Variants in RIGI observed in about 807,000 individuals in gnomAD.
RIGI encodes antiviral innate immune response receptor RIG-I.
At chr9:32,491,119 C>A in the RIGI span, among the ~76,000 whole-genome samples, 8 of 152,136 alleles carry the variant, frequency 5.3e-5, no homozygotes, top group South Asian at 6.2e-4. Context: ...AGTGGAAGAA[C>A]TAGGAGAGAA....
At chr9:32,487,558 G>A in the RIGI span, 1 of 1,614,178 alleles carries the variant, frequency 6.2e-7, no homozygotes, top group Non-Finnish European at 8.5e-7. Flanking sequence ...GAAGCACACA[G>A]CTTGCAGATA....
chr9:32,462,000 C>T, the RIGI span, among the ~76,000 whole-genome samples: 4 of 152,068 alleles, frequency 2.6e-5, no homozygotes, highest in African/African-American at 9.7e-5. Flanking sequence ...TAATATCTCC[C>T]AGTAAAATTT....
At chr9:32,512,355 A>G in the RIGI span, among the ~76,000 whole-genome samples, 16 of 152,330 alleles carry the variant, frequency 1.1e-4, no homozygotes, top group East Asian at 3.1e-3. Context: ...CAGCATATCA[A>G]AAAGCTTATT....
the RIGI span, among the ~76,000 whole-genome samples, chr9:32,490,785 T>C: frequency 6.6e-6 from 1 of 152,134 alleles, no homozygotes; most frequent in Non-Finnish European, 1.5e-5. Flanking sequence ...AAAAGGGAGC[T>C]CCTCTTGGAG....
At chr9:32,514,711 ACTT>A in the RIGI span, among the ~76,000 whole-genome samples, 1 of 152,220 alleles carries the variant, frequency 6.6e-6, no homozygotes, top group Non-Finnish European at 1.5e-5. Context: ...GTGTCCCAGA[ACTT>A]AAAGTATAAT....
the RIGI span, among the ~76,000 whole-genome samples, chr9:32,502,225 A>T: frequency 6.6e-6 from 1 of 152,234 alleles, no homozygotes; most frequent in African/African-American, 2.4e-5. Context: ...ATCCCACTGT[A>T]TGGATACACC....
At chr9:32,483,366 T>C in the RIGI span, among the ~76,000 whole-genome samples, 2 of 152,126 alleles carry the variant, frequency 1.3e-5, no homozygotes, top group East Asian at 3.9e-4. Context: ...CAGGTACTGA[T>C]TGAACCTGGG....
At chr9:32,483,889 C>T in the RIGI span, among the ~76,000 whole-genome samples, 1 of 152,064 alleles carries the variant, frequency 6.6e-6, no homozygotes, top group Admixed American at 6.6e-5. Flanking sequence ...CCTTATCACC[C>T]CCACCACACC....
At chr9:32,473,234 T>C in the RIGI span, among the ~76,000 whole-genome samples, 203 of 151,470 alleles carry the variant, frequency 1.3e-3, no homozygotes, top group African/African-American at 4.8e-3. Flanking sequence ...TATGTAATAA[T>C]TAACTAAAAT....
At chr9:32,456,806 TC>T in the RIGI span, 1 of 209,284 alleles carries the variant, frequency 4.8e-6, no homozygotes, top group Non-Finnish European at 9.6e-6. Flanking sequence ...TTCCCAACAT[TC>T]CATTCATTCA....
the RIGI span, chr9:32,487,633 C>T: frequency 3.7e-6 from 6 of 1,612,922 alleles, no homozygotes; most frequent in Non-Finnish European, 2.5e-6. Flanking sequence ...AGCCCAATGA[C>T]CTGTAAGGAG....
the RIGI span, chr9:32,488,639 T>G: frequency 7.8e-7 from 1 of 1,277,360 alleles, no homozygotes; most frequent in African/African-American, 1.5e-5. Context: ...GAATCTAATA[T>G]AAATTTTTTT....
the RIGI span, among the ~76,000 whole-genome samples, chr9:32,520,924 T>G: frequency 6.6e-6 from 1 of 151,084 alleles, no homozygotes; most frequent in African/African-American, 2.4e-5. Context: ...GGCAGGCGGA[T>G]CAGCTGAGGC....
chr9:32,517,407 C>T, the RIGI span, among the ~76,000 whole-genome samples: 9 of 152,250 alleles, frequency 5.9e-5, no homozygotes, highest in Admixed American at 4.6e-4. Context: ...TCTAGATGTA[C>T]ATTAACTATG....
At chr9:32,507,965 CTTGT>C in the RIGI span, among the ~76,000 whole-genome samples, 1 of 152,068 alleles carries the variant, frequency 6.6e-6, no homozygotes, top group Non-Finnish European at 1.5e-5. Flanking sequence ...CTTGTGTTAT[CTTGT>C]TTATATTTCC....
the RIGI span, among the ~76,000 whole-genome samples, chr9:32,468,312 C>T: frequency 6.6e-6 from 1 of 152,244 alleles, no homozygotes; most frequent in Non-Finnish European, 1.5e-5. Flanking sequence ...CATCTTCTCA[C>T]TCACCAGAGC....
chr9:32,464,430 C>T, the RIGI span, among the ~76,000 whole-genome samples: 10 of 152,278 alleles, frequency 6.6e-5, no homozygotes, highest in Middle Eastern at 3.4e-3. Flanking sequence ...TACTCTGTTG[C>T]CCAGGCTGGA....
the RIGI span, among the ~76,000 whole-genome samples, chr9:32,480,625 C>G: frequency 6.6e-6 from 1 of 152,086 alleles, no homozygotes; most frequent in South Asian, 2.1e-4. Flanking sequence ...AAAAACTGCA[C>G]GAAAAACACA....
the RIGI span, among the ~76,000 whole-genome samples, chr9:32,462,593 G>A: frequency 1.3e-5 from 2 of 151,858 alleles, no homozygotes; most frequent in African/African-American, 4.8e-5. Flanking sequence ...ATTTTTAGTA[G>A]AGATGGGGCT....
Sources: allele counts gnomAD v4.1 joint callset (sites outside exome capture counted in the v4.1 genomes callset), GRCh38; gene constraint gnomAD v4.1.1; transcripts MANE v1.5; gene names NCBI Gene and HGNC (gene_info 2026-07-23, HGNC 2026-07-21).